GOT2: variants seen among roughly 807,000 people sequenced by gnomAD.
GOT2 encodes the protein glutamic-oxaloacetic transaminase 2, also known as aspartate aminotransferase, mitochondrial.
GOT2 carries 17 observed loss-of-function variants against 50.0 expected under a neutral mutation model. The ratio of observed to expected loss-of-function variants is 0.34; its 90% CI spans 0.23 to 0.51. The LOEUF (loss-of-function observed/expected upper bound fraction) is 0.51, where lower values mean the gene tolerates loss of function less well. Ranked by LOEUF, GOT2 falls within the 20% of genes least tolerant of loss-of-function variation. GOT2 has a pLI of 0.97. For missense variants in GOT2, 430 were observed against 559.6 expected, an observed-to-expected ratio of 0.77 and a Z score of 2.34; for synonymous variants, 172 against 204.9, an observed-to-expected ratio of 0.84 and a Z score of 1.37.
intron 3 of GOT2, among the ~76,000 whole-genome samples, chr16:58,721,415 C>T (rs934396767): frequency 6.6e-6 from 1 of 152,186 alleles, no homozygotes; most frequent in African/African-American, 2.4e-5. Flanking sequence ...CAGACTGGTC[C>T]AGCCCCCACA....
At chr16:58,719,153 T>C (rs1484498793) in intron 4 of GOT2, 43 bp downstream of exon 4, 1 of 1,405,446 alleles carries the variant, frequency 7.1e-7, no homozygotes, top group South Asian at 1.1e-5. Context: ...AGCCCTGTCA[T>C]CTGGAATTTA....
At chr16:58,708,346 C>G (rs199622478) in intron 9 of GOT2, 53 bp from the exon 10 acceptor site, 48 of 1,585,018 alleles carry the variant, frequency 3.0e-5, no homozygotes, top group Non-Finnish European at 4.1e-5. Flanking sequence ...GGATTCTCCC[C>G]GGCCTGACAT....
In GOT2 at chr16:58,722,140, C is replaced by T. The variant is rs1256601063; in HGVS notation, c.375+10G>A. 1.9e-6 allele frequency: 3 copies of T among 1,611,714 alleles called. No individual in the cohort carries two copies. Among genetic ancestry groups the T allele is most frequent in the South Asian group, 2.2e-5 (2 of 90,992 alleles). On this transcript the variant is annotated intron_variant, in intron 3 of 9. Coordinates refer to ENST00000245206, the MANE Select transcript of GOT2 (RefSeq NM_002080.4). ...AGACCTGGGATGATGCCAGAGCCTGCTCAGCTTACCCGGCCACTCTTCAAG... is the reference window on the plus strand; with the variant it reads ...AGACCTGGGATGATGCCAGAGCCTGTTCAGCTTACCCGGCCACTCTTCAAG...
rs1447532442 is a variant in GOT2 at position 58,718,676 on chromosome 16, T to TA, written c.447dup (p.Lys150Ter). On this transcript the variant is annotated frameshift_variant, in exon 5 of 10. Coordinates refer to ENST00000245206, the MANE Select transcript of GOT2 (RefSeq NM_002080.4). LOFTEE classifies it high-confidence loss of function. The stretch of plus-strand genomic sequence containing the variant: ...GGCAGAAAGACATCTCGGCTGAACT[T>TA]AAAAAATCTTTGCTAAAAGATGGGA... The TA allele has an allele frequency of 6.4e-7, 1 of 1,561,952 alleles. No individual in the cohort carries two copies. Among genetic ancestry groups the TA allele is most frequent in the African/African-American group, 1.4e-5 (1 of 72,404 alleles).
At position 58,718,520 on chromosome 16, in the gene GOT2, C is replaced by T; in HGVS notation, c.597+7G>A. ...TTCACCTCTCTCACCCTGAAAGCCA[C>T]ACTTACTGAAATATCCTCCACAGCG... On this transcript the variant is annotated splice_region_variant and intron_variant, in intron 5 of 9. Transcript: ENST00000245206. The T allele has an allele frequency of 1.3e-6, 2 of 1,567,346 alleles. No homozygotes were observed. Among genetic ancestry groups the T allele is most frequent in the Non-Finnish European group, 1.7e-6 (2 of 1,157,686 alleles).
chr16:58,725,703 C>T (rs765271488), intron 1 of GOT2, among the ~76,000 whole-genome samples: 2 of 152,146 alleles, frequency 1.3e-5, no homozygotes, highest in African/African-American at 2.4e-5. Context: ...CGTGTGTTCA[C>T]GAGTTTTGCC....
intron 8 of GOT2, among the ~76,000 whole-genome samples, chr16:58,712,207 G>A (rs1368911833): frequency 6.6e-6 from 1 of 151,904 alleles, no homozygotes; most frequent in Non-Finnish European, 1.5e-5. Context: ...ATTCCATTCT[G>A]TCTTATATTA....
At position 58,712,906 on chromosome 16, in the gene GOT2, C is replaced by A. The variant is rs75413698; in HGVS notation, c.1019+3108G>T. On this transcript the variant is annotated intron_variant, in intron 8 of 9. Coordinates refer to ENST00000245206, the MANE Select transcript of GOT2 (RefSeq NM_002080.4). ...GCTAAGGTCGGGAGTTCGAGACCAGCCTGACCAACATGGAGAAACCCCGTC... is the reference window on the plus strand; with the variant it reads ...GCTAAGGTCGGGAGTTCGAGACCAGACTGACCAACATGGAGAAACCCCGTC... Among the ~76,000 whole-genome samples the A allele has an allele frequency of 4.6e-5, 7 of 152,198 alleles. No individual in the cohort carries two copies. In the South Asian group the frequency reaches 1.5e-3, roughly 32 times the overall value.
At chr16:58,720,391 G>T (rs1033162230) in intron 3 of GOT2, among the ~76,000 whole-genome samples, 36 of 152,200 alleles carry the variant, frequency 2.4e-4, no homozygotes, top group Admixed American at 7.9e-4. Context: ...GTTTTTAAAG[G>T]TGTTGTAGAA....
intron 1 of GOT2, among the ~76,000 whole-genome samples, chr16:58,728,779 C>T (rs1051925392): frequency 6.6e-6 from 1 of 152,152 alleles, no homozygotes; most frequent in African/African-American, 2.4e-5. Flanking sequence ...TTCACGGGTT[C>T]AAGCGATTCT....
chr16:58,725,215 A>G (rs1019379352), intron 1 of GOT2, among the ~76,000 whole-genome samples: 1 of 151,744 alleles, frequency 6.6e-6, no homozygotes, highest in Non-Finnish European at 1.5e-5. Flanking sequence ...CCTGGGTTCA[A>G]GTGATTCTCC....
intron 8 of GOT2, 98 bp downstream of exon 8, chr16:58,715,916 A>G (rs1168157634): frequency 1.1e-5 from 10 of 913,970 alleles, no homozygotes; most frequent in Non-Finnish European, 9.9e-6. Context: ...TATGGAATCT[A>G]TGGGGTACTG....
chr16:58,714,625 C>T (rs967532175), intron 8 of GOT2, among the ~76,000 whole-genome samples: 1 of 150,938 alleles, frequency 6.6e-6, no homozygotes, highest in African/African-American at 2.4e-5. Context: ...GGCTGAGGCA[C>T]GAGAATTGCT....
chr16:58,709,364 G>A (rs2152093128), intron 9 of GOT2, 53 bp downstream of exon 9: 1 of 1,374,810 alleles, frequency 7.3e-7, no homozygotes, highest in South Asian at 1.5e-5. Context: ...TAATCCTTCG[G>A]GTTTGCAAAG....
intron 8 of GOT2, 140 bp from the exon 9 acceptor site, chr16:58,709,707 TGGC>T: frequency 1.6e-6 from 1 of 607,822 alleles, no homozygotes; most frequent in Non-Finnish European, 2.8e-6. Context: ...ACGCTGTCAC[TGGC>T]CAGGGAAGAA....
chr16:58,730,395 T>C (rs2044825283), intron 1 of GOT2, among the ~76,000 whole-genome samples: 1 of 151,620 alleles, frequency 6.6e-6, no homozygotes, highest in Non-Finnish European at 1.5e-5. Flanking sequence ...GATACAATTT[T>C]TTTTTTTGAG....
rs372494063 is a variant in GOT2 at position 58,722,298 on chromosome 16, T to C, written c.247-20A>G. On this transcript the variant is annotated intron_variant, in intron 2 of 9. Transcript: ENST00000245206. Reference sequence around the variant, plus strand: ...CTCTGCCTAGACAAGAGAAAATACATCCATTGAATTTCTTCTCCTTACTTG... The same window carrying C: ...CTCTGCCTAGACAAGAGAAAATACACCCATTGAATTTCTTCTCCTTACTTG... 6.8e-6 allele frequency: 11 copies of C among 1,610,356 alleles called. No individual in the cohort carries two copies. The highest frequency in any genetic ancestry group is 4.5e-5 in the East Asian group (2 of 44,860).
At chr16:58,733,874 C>T in intron 1 of GOT2, 1 of 385,030 alleles carries the variant, frequency 2.6e-6, no homozygotes. Flanking sequence ...CACTTCCTTT[C>T]CCTAGGGATT....
intron 9 of GOT2, 35 bp downstream of exon 9, chr16:58,709,382 A>C (rs1321012705): frequency 2.6e-6 from 4 of 1,541,046 alleles, no homozygotes; most frequent in African/African-American, 1.4e-5. Context: ...AAGACTGATC[A>C]GCTGGTCTGC....
Sources: allele counts gnomAD v4.1 joint callset (sites outside exome capture counted in the v4.1 genomes callset), GRCh38; gene constraint gnomAD v4.1.1; transcripts MANE v1.5; gene names NCBI Gene and HGNC (gene_info 2026-07-23, HGNC 2026-07-21).